The following PHLDB1 variants were observed in gnomAD, a reference collection of about 807,000 sequenced individuals.
PHLDB1 encodes the protein pleckstrin homology like domain family B member 1, also known as pleckstrin homology-like domain family B member 1.
In PHLDB1, 65 loss-of-function variants were observed where a neutral mutation model predicts 139.3. That is an observed-to-expected ratio of 0.47 (90% CI 0.38 to 0.57). The LOEUF is 0.57. Among genes scored for constraint, PHLDB1 ranks in the 20% least tolerant of loss-of-function variants. The pLI is 0.00. For missense variants in PHLDB1, 1,624 were observed against 1,839.7 expected, an observed-to-expected ratio of 0.88 and a Z score of 2.14; for synonymous variants, 679 against 734.5, an observed-to-expected ratio of 0.92 and a Z score of 1.22.
At chr11:118,639,054 G>A in intron 11 of PHLDB1, 53 bp downstream of exon 11, 2 of 1,558,954 alleles carry the variant, frequency 1.3e-6, no homozygotes, top group Non-Finnish European at 1.8e-6. Flanking sequence ...AGTGGGAGGG[G>A]AGTGCAGAAG....
At chr11:118,623,123 C>T (rs1356905740) in intron 4 of PHLDB1, among the ~76,000 whole-genome samples, 1 of 152,216 alleles carries the variant, frequency 6.6e-6, no homozygotes, top group African/African-American at 2.4e-5. Context: ...TTGCGGCCTG[C>T]CTGAGCTGAA....
chr11:118,627,242 A>T, intron 5 of PHLDB1, 63 bp from the exon 6 acceptor site: 1 of 1,516,004 alleles, frequency 6.6e-7, no homozygotes, highest in Non-Finnish European at 9.1e-7. Context: ...GAGGGGGGCT[A>T]GTGCTCTGGC....
At chr11:118,617,629 A>G (rs1259234527) in intron 4 of PHLDB1, among the ~76,000 whole-genome samples, 1 of 151,546 alleles carries the variant, frequency 6.6e-6, no homozygotes, top group African/African-American at 2.4e-5. Flanking sequence ...CCGCCCGGCT[A>G]ATTTTTTTTT....
In PHLDB1 at chr11:118,631,330, C is replaced by T. The variant is rs781952266; in HGVS notation, c.1951C>T (p.Arg651Trp). The T allele has an allele frequency of 1.4e-5, 22 of 1,540,498 alleles. No homozygotes were observed. The highest frequency in any genetic ancestry group is 7.4e-5 in the South Asian group (6 of 80,700). The change falls in exon 7 of 23, where the codon CGG (arginine) becomes TGG (tryptophan). Residue 651 changes from arginine to tryptophan, a missense_variant. Physicochemically the swap from Arg to Trp is moderately radical, Grantham distance 101 (BLOSUM62 -3). Coordinates refer to ENST00000600882, the MANE Select transcript of PHLDB1 (RefSeq NM_001144758.3). ...CACCGCAGCATTGGCACTGGCAGGC[C>T]GGAGGCCCTCACGAGGCCTTGCAGG... ...EATAALALAG[R>W]RPSRGLAGAS...
chr11:118,638,715 G>A (rs1276011242), intron 10 of PHLDB1, among the ~76,000 whole-genome samples, 176 bp from the exon 11 acceptor site: 2 of 152,110 alleles, frequency 1.3e-5, no homozygotes, highest in Non-Finnish European at 2.9e-5. Flanking sequence ...AGGGAGGCCC[G>A]AGGGAAGGAG....
At chr11:118,635,174 C>A in intron 9 of PHLDB1, 1 of 605,298 alleles carries the variant, frequency 1.7e-6, no homozygotes, top group South Asian at 2.0e-5. Flanking sequence ...GTCGGTGCTG[C>A]GGTTTGGAGG....
chr11:118,627,291 G>A lies in PHLDB1; in HGVS notation c.482-14G>A, dbSNP rs782021876. On this transcript the variant is annotated splice_polypyrimidine_tract_variant and intron_variant, in intron 5 of 22. Coordinates refer to ENST00000600882, the MANE Select transcript of PHLDB1 (RefSeq NM_001144758.3). The stretch of plus-strand genomic sequence containing the variant: ...CAGCTCCCTAAAGTCAAAGACCTTT[G>A]CATTTCCCTCCAGCAGAATCAGAAA... The A allele has an allele frequency of 5.6e-6, 9 of 1,612,350 alleles. No homozygotes were observed. Among genetic ancestry groups the A allele is most frequent in the Non-Finnish European group, 7.6e-6 (9 of 1,179,540 alleles).
Position 118,631,420 on chromosome 11 carries a change from C to A in PHLDB1, c.2041C>A (p.Arg681Ser). Residue 681 changes from arginine to serine, a missense_variant, in exon 7 of 23, where the codon CGC becomes AGC. Physicochemically the swap from Arg to Ser is moderately radical, Grantham distance 110. Coordinates refer to ENST00000600882, the MANE Select transcript of PHLDB1 (RefSeq NM_001144758.3). ...ATQRLWESME[R>S]SDEENLKEEC... ...CCAACGCCTATGGGAGAGTATGGAG[C>A]GCTCAGATGAGGAAAATCTCAAGGA... 6.9e-7 allele frequency: 1 copy of A among 1,459,708 alleles called. No homozygotes were observed. The allele number at this position is 1,459,708 out of a possible 1,614,324, so 90.4% of individuals were successfully genotyped here.
chr11:118,641,825 G>A (rs1555121088), intron 12 of PHLDB1: 2 of 1,261,174 alleles, frequency 1.6e-6, no homozygotes, highest in South Asian at 1.3e-5. Context: ...ACCCATGACT[G>A]GTGTGCTCTG....
At chr11:118,644,429 G>A (rs533073481) in intron 15 of PHLDB1, 2 of 525,172 alleles carry the variant, frequency 3.8e-6, no homozygotes, top group South Asian at 4.1e-5. Context: ...GGAACTGCTT[G>A]TTGACCTGAG....
At chr11:118,625,082 T>A in intron 5 of PHLDB1, 23 bp downstream of exon 5, 14 of 1,570,172 alleles carry the variant, frequency 8.9e-6, no homozygotes, top group Non-Finnish European at 1.2e-5. Context: ...GGGGGCAGGG[T>A]GCTGGGTTGA....
At chr11:118,613,202 T>G in intron 1 of PHLDB1, 2 of 769,718 alleles carry the variant, frequency 2.6e-6, no homozygotes, top group Non-Finnish European at 3.2e-6. Context: ...TGTGTTGGGT[T>G]GAGGTTGCTT....
chr11:118,642,187 A>C (rs1946663506), intron 12 of PHLDB1, 67 bp from the exon 13 acceptor site: 1 of 1,426,660 alleles, frequency 7.0e-7, no homozygotes, highest in Non-Finnish European at 9.7e-7. Flanking sequence ...CTTTCCCTTT[A>C]TTTCCTGGCC....
rs928457258 is a variant in PHLDB1 at position 118,620,812 on chromosome 11, T to C, written c.356-4122T>C. Among the ~76,000 whole-genome samples, 6 of 152,152 alleles carry C rather than the reference T, an allele frequency of 3.9e-5. No individual in the cohort carries two copies. Among genetic ancestry groups the C allele is most frequent in the Non-Finnish European group, 7.4e-5 (5 of 68,010 alleles). On this transcript the variant is annotated intron_variant, in intron 4 of 22. Transcript: ENST00000600882. This position sits in a 1 kb window ranked among gnomAD's most constrained non-coding sequence, Gnocchi z 4.1. ...TGAGTGCTTGCATTGTACAGAGCAC[T>C]GCTTTGGCCTGAACTCCCAGCCCAG...
chr11:118,642,896 C>CT (rs535154637), intron 13 of PHLDB1, among the ~76,000 whole-genome samples: 150 of 152,342 alleles, frequency 9.8e-4, no homozygotes, highest in African/African-American at 3.5e-3. Flanking sequence ...CCTAAGCCTC[C>CT]TCAGAGTTGC....
intron 18 of PHLDB1, 127 bp downstream of exon 18, chr11:118,648,203 T>G: frequency 1.0e-6 from 1 of 960,940 alleles, no homozygotes. Flanking sequence ...TGCTGTTGGC[T>G]TAATACTAGC....
rs1169854527 is a variant in PHLDB1, at chr11:118,645,178, G to A, written c.3122-178G>A. ...GTGGCCGGTTGTGCAGGCGACTGAA[G>A]CATTGGCAGAGCAGCCAGGCCTGGA... On this transcript the variant is annotated intron_variant, in intron 15 of 22. Transcript: ENST00000600882. This position sits in a 1 kb window ranked among gnomAD's most constrained non-coding sequence, Gnocchi z 5.1. The A allele has an allele frequency of 2.0e-6, 1 of 509,732 alleles. No homozygotes were observed. The highest frequency in any genetic ancestry group is 3.4e-6 in the Non-Finnish European group (1 of 293,534). 31.6% of individuals were successfully genotyped at this position (509,732 alleles called of 1,614,324 possible). A position where few individuals can be genotyped will look rare whatever the true frequency, so the allele number is the denominator to read the frequency against.
intron 4 of PHLDB1, chr11:118,621,477 G>A (rs1473486111): frequency 6.6e-6 from 1 of 152,206 alleles, no homozygotes; most frequent in East Asian, 1.9e-4. Context: ...GCTCCGGGCG[G>A]GCCCGGGACC....
Position 118,647,949 on chromosome 11 carries a change from G to T in PHLDB1, c.3527G>T (p.Arg1176Leu). ...GGGCAGGAGCGGGAGATGGAGCTGC[G>T]GCGGCAGGCCCTGGAGGAGGAGCGG... The part of the protein sequence containing the change: ...MESREREMEL[R>L]RQALEEERRR... The change falls in exon 18 of 23, where the codon CGG becomes CTG. Residue 1176 changes from arginine (R) to leucine (L), a missense_variant. By Grantham distance (102) the Arg-to-Leu change is moderately radical. Transcript: ENST00000600882. 6.3e-7 allele frequency: 1 copy of T among 1,578,136 alleles called. No individual in the cohort carries two copies. The highest frequency in any genetic ancestry group is 2.3e-5 in the East Asian group (1 of 42,696).
Sources: allele counts gnomAD v4.1 joint callset (sites outside exome capture counted in the v4.1 genomes callset), GRCh38; gene constraint gnomAD v4.1.1; non-coding constraint Gnocchi (gnomAD v3.1); transcripts MANE v1.5; gene names NCBI Gene and HGNC (gene_info 2026-07-23, HGNC 2026-07-21).